Variants in DDR2 observed in about 807,000 individuals in gnomAD.
DDR2 encodes discoidin domain receptor tyrosine kinase 2.
DDR2 carries 27 observed loss-of-function variants against 94.9 expected under a neutral mutation model. The ratio of observed to expected loss-of-function variants is 0.28; its 90% CI spans 0.21 to 0.39. The LOEUF (loss-of-function observed/expected upper bound fraction) is 0.39. Among genes scored for constraint, DDR2 ranks in the 10% least tolerant of loss-of-function variants. DDR2 has a pLI of 1.00. For synonymous variants in DDR2, 382 were observed against 377.2 expected, an observed-to-expected ratio of 1.01 and a Z score of -0.15; for missense variants, 783 against 1,076.0, an observed-to-expected ratio of 0.73 and a Z score of 3.81.
chr1:162,643,925 G>T (rs1231156220), intron 1 of DDR2, among the ~76,000 whole-genome samples: 1 of 152,206 alleles, frequency 6.6e-6, no homozygotes, highest in Non-Finnish European at 1.5e-5. Context: ...ATTGGAAAAA[G>T]AGAGTCTGGC....
chr1:162,757,119 G>A (rs1315306794), intron 7 of DDR2, among the ~76,000 whole-genome samples: 1 of 152,122 alleles, frequency 6.6e-6, no homozygotes, highest in Non-Finnish European at 1.5e-5. Flanking sequence ...AACTATAGTA[G>A]GAAAGCACAA....
chr1:162,676,872 G>T (rs760941467), intron 2 of DDR2, among the ~76,000 whole-genome samples: 2 of 152,192 alleles, frequency 1.3e-5, no homozygotes, highest in Non-Finnish European at 2.9e-5. Context: ...CCTGGGCTCC[G>T]AACAAGCACG....
At chr1:162,774,807 G>T (rs766096713) in intron 14 of DDR2, among the ~76,000 whole-genome samples, 1 of 152,148 alleles carries the variant, frequency 6.6e-6, no homozygotes, top group Non-Finnish European at 1.5e-5. Flanking sequence ...CCTGGTTTGA[G>T]ACGGAAGGGG....
chr1:162,770,337 C>G lies in DDR2; in HGVS notation c.1329C>G (p.Val443=). 3 of 1,614,090 alleles carry G rather than the reference C, an allele frequency of 1.9e-6. No individual in the cohort carries two copies. Among genetic ancestry groups the G allele is most frequent in the Non-Finnish European group, 2.5e-6 (3 of 1,180,016 alleles). The change falls in exon 12 of 18, where the codon GTC becomes GTG. Residue 443 remains valine (V), a synonymous_variant. Transcript: ENST00000367921. ...SRRMLDDEMT[V]SLSLPSDSSM... ...GGATGCTGGATGATGAAATGACAGTCAGCCTTTCCCTGCCAAGTGATTCTA... is the reference window on the plus strand; with the variant it reads ...GGATGCTGGATGATGAAATGACAGTGAGCCTTTCCCTGCCAAGTGATTCTA...
Position 162,775,760 on chromosome 1 carries a change from A to G in DDR2, c.1965A>G (p.Glu655=), listed in dbSNP as rs764543514. The change falls in exon 15 of 18, where the codon GAA becomes GAG. Residue 655 remains glutamate (E), a synonymous_variant. Transcript: ENST00000367921. ...ATGACCCTCTCTGTATGATCACTGAATACATGGAGAATGGAGATCTCAATC... is the reference window on the plus strand; with the variant it reads ...ATGACCCTCTCTGTATGATCACTGAGTACATGGAGAATGGAGATCTCAATC... The part of the protein sequence containing the change: ...ITDDPLCMIT[E]YMENGDLNQF... The G allele has an allele frequency of 2.5e-6, 4 of 1,614,008 alleles. No individual in the cohort carries two copies. In the African/African-American group the frequency reaches 4.0e-5, roughly 16 times the overall value.
Position 162,776,287 on chromosome 1 carries a change from A to T in DDR2, c.2200A>T (p.Asn734Tyr). 1 of 1,614,032 alleles carries T rather than the reference A, an allele frequency of 6.2e-7. No individual in the cohort carries two copies. Among genetic ancestry groups the T allele is most frequent in the Non-Finnish European group, 8.5e-7 (1 of 1,179,966 alleles). The change falls in exon 16 of 18, where the codon AAC (asparagine) becomes TAC (tyrosine). Residue 734 changes from asparagine to tyrosine, a missense_variant. This residue lies in a region of DDR2 where 264 missense variants were observed against 428.2 expected (regional missense o/e 0.62). Coordinates refer to ENST00000367921, the MANE Select transcript of DDR2 (RefSeq NM_006182.4). ...GATAGCTGACTTTGGAATGAGCAGGAACCTGTACAGTGGTGACTATTACCG... is the reference window on the plus strand; with the variant it reads ...GATAGCTGACTTTGGAATGAGCAGGTACCTGTACAGTGGTGACTATTACCG... The part of the protein sequence containing the change: ...IKIADFGMSR[N>Y]LYSGDYYRIQ...
chr1:162,761,580 G>A (rs962344379), intron 9 of DDR2, 126 bp downstream of exon 9: 32 of 1,458,058 alleles, frequency 2.2e-5, no homozygotes, highest in East Asian at 4.6e-5. Flanking sequence ...TCTCATTGAC[G>A]GATACGGTGA....
At chr1:162,672,220 T>A (rs1340774343) in intron 2 of DDR2, among the ~76,000 whole-genome samples, 2 of 152,230 alleles carry the variant, frequency 1.3e-5, no homozygotes, top group African/African-American at 2.4e-5. Flanking sequence ...GCTTCTATTA[T>A]TTCATCTATA....
At chr1:162,634,818 A>G (rs1656736768) in intron 1 of DDR2, among the ~76,000 whole-genome samples, 1 of 152,206 alleles carries the variant, frequency 6.6e-6, no homozygotes, top group African/African-American at 2.4e-5. Context: ...ATTGCTCCTC[A>G]GACAAGACTG....
In DDR2 at chr1:162,719,086, T is replaced by C; in HGVS notation, c.23T>C (p.Leu8Pro). The change falls in exon 3 of 18, where the codon CTC becomes CCC. Residue 8 changes from leucine (L) to proline (P), a missense_variant. Transcript: ENST00000367921. MILIPRM[L>P]LVLFLLLPIL... ...GAGATGATCCTGATTCCCAGAATGCTCTTGGTGCTGTTCCTGCTGCTGCCT... is the reference window on the plus strand; with the variant it reads ...GAGATGATCCTGATTCCCAGAATGCCCTTGGTGCTGTTCCTGCTGCTGCCT... 1.2e-6 allele frequency: 2 copies of C among 1,613,914 alleles called. No homozygotes were observed. The highest frequency in any genetic ancestry group is 1.7e-6 in the Non-Finnish European group (2 of 1,179,816).
At chr1:162,753,375 G>A (rs1252633751) in intron 4 of DDR2, among the ~76,000 whole-genome samples, 178 bp downstream of exon 4, 1 of 152,150 alleles carries the variant, frequency 6.6e-6, no homozygotes, top group Admixed American at 6.5e-5. Flanking sequence ...GAGAATTTAG[G>A]ACTTAGCCAC....
Position 162,759,788 on chromosome 1 carries a change from C to G in DDR2, c.672-8C>G, listed in dbSNP as rs771801986. On this transcript the variant is annotated splice_polypyrimidine_tract_variant and splice_region_variant and intron_variant, in intron 7 of 17. Transcript: ENST00000367921. ...CTCCTTTTCCTCCTCTTCTCCTGGC[C>G]TGAGCAGCATGACAGAAGGGCTAGG... 1.8e-5 allele frequency: 29 copies of G among 1,613,644 alleles called. No individual in the cohort carries two copies. The highest frequency in any genetic ancestry group is 2.3e-5 in the Non-Finnish European group (27 of 1,180,014).
intron 7 of DDR2, among the ~76,000 whole-genome samples, chr1:162,756,644 T>C (rs1000999901): frequency 6.6e-6 from 1 of 152,078 alleles, no homozygotes; most frequent in Non-Finnish European, 1.5e-5. Context: ...TACTAGTGAG[T>C]CTCAGGAAGG....
At chr1:162,700,479 C>T (rs1052689370) in intron 2 of DDR2, among the ~76,000 whole-genome samples, 14 of 152,266 alleles carry the variant, frequency 9.2e-5, no homozygotes, top group African/African-American at 3.1e-4. Flanking sequence ...ATATTTTATT[C>T]TCAGGCAGCT....
chr1:162,774,117 C>T (rs1483289505), intron 14 of DDR2, among the ~76,000 whole-genome samples: 1 of 152,104 alleles, frequency 6.6e-6, no homozygotes, highest in African/African-American at 2.4e-5. Flanking sequence ...CTATGAACCT[C>T]AAAGCAAAAG....
intron 4 of DDR2, among the ~76,000 whole-genome samples, chr1:162,753,450 T>C (rs568053238): frequency 1.8e-4 from 28 of 152,324 alleles, no homozygotes; most frequent in African/African-American, 6.3e-4. Context: ...CCACAGTGAA[T>C]GGGTTCATTG....
At chr1:162,683,332 T>C (rs4657225) in intron 2 of DDR2, among the ~76,000 whole-genome samples, 150,677 of 152,216 alleles carry the variant, frequency 0.99, 74,594 homozygotes, top group East Asian at 1. Flanking sequence ...CTAGCCATTA[T>C]AGAAAAGAAA....
Position 162,782,833 on chromosome 1 carries a change from T to C in DDR2, c.*2587T>C, listed in dbSNP as rs775507579. On this transcript the variant is annotated 3_prime_UTR_variant, in exon 18 of 18. Coordinates refer to ENST00000367921, the MANE Select transcript of DDR2 (RefSeq NM_006182.4). ...ACAGAAGTAATATGTTTCAGATGGC[T>C]GCCCAATATGTATTATCATGTAATA... is the stretch of plus-strand genomic sequence containing the variant. 6.6e-6 allele frequency: 1 copy of C among 152,184 alleles called. No individual in the cohort carries two copies. Among genetic ancestry groups the C allele is most frequent in the Non-Finnish European group, 1.5e-5 (1 of 68,030 alleles). 9.4% of individuals were successfully genotyped at this position (152,184 alleles called of 1,614,324 possible). A position where few individuals can be genotyped will look rare whatever the true frequency, so the allele number is the denominator to read the frequency against.
At position 162,753,104 on chromosome 1, in the gene DDR2, G is replaced by A. The variant is rs1340393535; in HGVS notation, c.92G>A (p.Arg31His). Reference protein sequence around the residue: ...AKAQVNPAICRYPLGMSGGQI... With the variant: ...AKAQVNPAICHYPLGMSGGQI... Reference sequence around the variant, plus strand: ...GTTTCTCTTGGTCTAGCTATATGCCGCTATCCTCTGGGCATGTCAGGAGGC... The same window carrying A: ...GTTTCTCTTGGTCTAGCTATATGCCACTATCCTCTGGGCATGTCAGGAGGC... Residue 31 changes from arginine (R) to histidine (H), a missense_variant, in exon 4 of 18, where the codon CGC becomes CAC. Coordinates refer to ENST00000367921, the MANE Select transcript of DDR2 (RefSeq NM_006182.4). 4.3e-6 allele frequency: 7 copies of A among 1,613,182 alleles called. No homozygotes were observed. The highest frequency in any genetic ancestry group is 1.1e-5 in the South Asian group (1 of 91,034).
Sources: gnomAD v4.1 joint callset for allele counts (sites outside exome capture counted in the v4.1 genomes callset) on GRCh38, gnomAD v4.1.1 for gene constraint, gnomAD v4.1.1 regional missense constraint, MANE v1.5 for transcripts, NCBI Gene and HGNC (gene_info 2026-07-23, HGNC 2026-07-21) for gene names.